Variants in RERE observed in about 807,000 individuals in gnomAD.
RERE encodes the protein arginine-glutamic acid dipeptide repeats.
RERE carries 40 observed loss-of-function variants against 146.1 expected under a neutral mutation model. That is an observed-to-expected ratio of 0.27 (90% CI 0.21 to 0.36). The LOEUF (loss-of-function observed/expected upper bound fraction) is 0.36. Ranked by LOEUF, RERE falls within the 10% of genes least tolerant of loss-of-function variation. The pLI is 1.00. For missense variants in RERE, 1,933 were observed against 2,138.7 expected (o/e 0.90, Z 1.90); for synonymous variants, 1,003 against 866.0 (o/e 1.16, Z -2.78).
intron 1 of RERE, among the ~76,000 whole-genome samples, chr1:8,764,574 G>A (rs888446534): frequency 5.3e-5 from 8 of 152,132 alleles, no homozygotes; most frequent in African/African-American, 1.9e-4. Context: ...GCAAACAGCC[G>A]GGGTTCAAGG....
intron 7 of RERE, among the ~76,000 whole-genome samples, chr1:8,531,007 T>TTCTA (rs199738689): frequency 0.097 from 13,629 of 140,224 alleles, 734 homozygotes; most frequent in East Asian, 0.14. Context: ...GAACTGAGTT[T>TTCTA]TCTATCTATC....
In RERE at chr1:8,360,499, T is replaced by C; in HGVS notation, c.3008A>G (p.Gln1003Arg). ...CTGGCTCTGGGTCAGCCCGGGGGGC[T>C]GGGCGGGCGAGGAGGGCAATGGCTG... ...QSQPLPSSPA[Q>R]PPGLTQSQNL... Residue 1003 changes from glutamine to arginine, a missense_variant, in exon 18 of 23, where the codon CAG becomes CGG. This residue lies in a region of RERE where 1,255 missense variants were observed against 1,153.8 expected (regional missense o/e 1.09). Transcript: ENST00000400908. 1 of 1,163,044 alleles carries C rather than the reference T, an allele frequency of 8.6e-7. No individual in the cohort carries two copies. The highest frequency in any genetic ancestry group is 1.1e-6 in the Non-Finnish European group (1 of 913,138). The allele number at this position is 1,163,044 out of a possible 1,614,324, so 72.0% of individuals were successfully genotyped here. A position where few individuals can be genotyped will look rare whatever the true frequency, so the allele number is the denominator to read the frequency against.
At chr1:8,620,676 T>C (rs563901843) in intron 3 of RERE, among the ~76,000 whole-genome samples, 1 of 152,158 alleles carries the variant, frequency 6.6e-6, no homozygotes, top group East Asian at 1.9e-4. Context: ...CCAGCTATTT[T>C]ACTATTTAGT....
At position 8,365,922 on chromosome 1, in the gene RERE, C is replaced by G; in HGVS notation, c.1337G>C (p.Ser446Thr). Reference protein sequence around the residue: ...YYWKKTPEAASSRAHRRHRRQ... With the variant: ...YYWKKTPEAATSRAHRRHRRQ... ...GCGGTGCCTACGATGGGCTCGGGAG[C>G]TGGCTGCTTCGGGGGTCTTCTTCCA... The change falls in exon 13 of 23, where the codon AGC (serine) becomes ACC (threonine). Residue 446 changes from serine (S) to threonine (T), a missense_variant. By Grantham distance (58) the Ser-to-Thr change is moderately conservative. Around this residue, in one of 11 missense-constraint regions of RERE, gnomAD observed 260 missense variants for 378.4 expected, o/e 0.69. Transcript: ENST00000400908. The G allele has an allele frequency of 6.2e-7, 1 of 1,614,132 alleles. No homozygotes were observed.
intron 1 of RERE, among the ~76,000 whole-genome samples, chr1:8,761,261 C>T (rs948465276): frequency 6.6e-6 from 1 of 152,180 alleles, no homozygotes; most frequent in Non-Finnish European, 1.5e-5. Flanking sequence ...GGAAAAGATA[C>T]ATCTGACACT....
At chr1:8,557,861 A>G (rs112860781) in intron 4 of RERE, among the ~76,000 whole-genome samples, 1,906 of 152,324 alleles carry the variant, frequency 0.013, 36 homozygotes, top group African/African-American at 0.044. Context: ...ACATTAATAT[A>G]TCCTTCTATT....
intron 1 of RERE, among the ~76,000 whole-genome samples, chr1:8,710,824 A>G (rs7553298): frequency 0.19 from 28,668 of 152,008 alleles, 2,970 homozygotes; most frequent in Middle Eastern, 0.26. Flanking sequence ...CATAGTCCCA[A>G]ACATATTTAA....
chr1:8,768,294 T>C (rs1640884986), intron 1 of RERE, among the ~76,000 whole-genome samples: 2 of 152,346 alleles, frequency 1.3e-5, no homozygotes, highest in African/African-American at 2.4e-5. Flanking sequence ...ACTCTAAATC[T>C]AACCATGGAA....
At chr1:8,670,645 G>A (rs1054873164) in intron 1 of RERE, among the ~76,000 whole-genome samples, 1 of 152,184 alleles carries the variant, frequency 6.6e-6, no homozygotes, top group Non-Finnish European at 1.5e-5. Flanking sequence ...GGTTAAAGTG[G>A]GGGAAAGCAT....
chr1:8,472,827 C>G (rs1047306668), intron 10 of RERE, among the ~76,000 whole-genome samples: 21 of 151,852 alleles, frequency 1.4e-4, no homozygotes, highest in African/African-American at 4.6e-4. Context: ...CTTTCAGATT[C>G]ATCACCACAG....
At chr1:8,440,092 A>G (rs1489667451) in intron 11 of RERE, among the ~76,000 whole-genome samples, 1 of 152,116 alleles carries the variant, frequency 6.6e-6, no homozygotes, top group Non-Finnish European at 1.5e-5. Context: ...CAAAAACAAA[A>G]TATCTATGGT....
chr1:8,760,594 A>G (rs1345295698), intron 1 of RERE, among the ~76,000 whole-genome samples: 2 of 152,102 alleles, frequency 1.3e-5, no homozygotes, highest in African/African-American at 4.8e-5. Flanking sequence ...CAGGCTTTTG[A>G]TATTTTAAGC....
intron 1 of RERE, among the ~76,000 whole-genome samples, chr1:8,701,333 C>CA (rs1639446400): frequency 2.7e-5 from 4 of 146,926 alleles, no homozygotes; most frequent in Non-Finnish European, 4.4e-5. Context: ...CGCACACACT[C>CA]CCTCCCTCCC....
intron 4 of RERE, among the ~76,000 whole-genome samples, chr1:8,608,091 C>A (rs1047862433): frequency 1.3e-5 from 2 of 151,852 alleles, no homozygotes; most frequent in Non-Finnish European, 2.9e-5. Flanking sequence ...ACTGGTCTGA[C>A]CAGTTCAACC....
chr1:8,397,480 A>G (rs1643094959), intron 12 of RERE, among the ~76,000 whole-genome samples: 1 of 150,588 alleles, frequency 6.6e-6, no homozygotes, highest in Non-Finnish European at 1.5e-5. Context: ...TTTGAACTCA[A>G]TTCTGAGTTC....
chr1:8,507,239 G>C (rs1356225509), intron 8 of RERE, among the ~76,000 whole-genome samples: 2 of 152,184 alleles, frequency 1.3e-5, no homozygotes, highest in Admixed American at 1.3e-4. Flanking sequence ...TCGTGCCTCT[G>C]TGCTCTAGCC....
At chr1:8,461,651 A>T (rs1310167677) in intron 11 of RERE, among the ~76,000 whole-genome samples, 1 of 152,176 alleles carries the variant, frequency 6.6e-6, no homozygotes, top group Non-Finnish European at 1.5e-5. Flanking sequence ...CTGTCAGAGA[A>T]ATAAACTGAG....
In RERE at chr1:8,354,911, C is replaced by G. The variant is rs1334661231; in HGVS notation, c.*176G>C. On this transcript the variant is annotated 3_prime_UTR_variant, in exon 23 of 23. Coordinates refer to ENST00000400908, the MANE Select transcript of RERE (RefSeq NM_001042681.2). ...AGATCCAAACCAGTCTCAGGAAATC[C>G]TCTCGACAAACGAACACTACTATGT... 1.6e-6 allele frequency: 1 copy of G among 613,698 alleles called. No individual in the cohort carries two copies. The allele number at this position is 613,698 out of a possible 1,614,324, so 38.0% of individuals were successfully genotyped here.
intron 1 of RERE, among the ~76,000 whole-genome samples, chr1:8,781,751 C>T (rs1032196443): frequency 6.6e-6 from 1 of 151,208 alleles, no homozygotes; most frequent in African/African-American, 2.4e-5. Context: ...CCAATTTCTA[C>T]CGAGGCCTAT....
Sources: gnomAD v4.1 joint callset for allele counts (sites outside exome capture counted in the v4.1 genomes callset) on GRCh38, gnomAD v4.1.1 for gene constraint, gnomAD v4.1.1 regional missense constraint, MANE v1.5 for transcripts, NCBI Gene and HGNC (gene_info 2026-07-23, HGNC 2026-07-21) for gene names.